The following AMBRA1 variants were observed in gnomAD, a reference collection of about 807,000 sequenced individuals.
AMBRA1 encodes the protein autophagy and beclin 1 regulator 1.
AMBRA1 carries 47 observed loss-of-function variants against 125.4 expected under a neutral mutation model. That is an observed-to-expected ratio of 0.37 (90% CI 0.30 to 0.48). The LOEUF (loss-of-function observed/expected upper bound fraction) is 0.48. Ranked by LOEUF, AMBRA1 falls within the 20% of genes least tolerant of loss-of-function variation. The pLI is 0.99. For synonymous variants in AMBRA1, 626 were observed against 655.5 expected, an observed-to-expected ratio of 0.95 and a Z score of 0.69; for missense variants, 1,331 against 1,693.4, an observed-to-expected ratio of 0.79 and a Z score of 3.76.
At chr11:46,544,350 A>G (rs1240630630) in intron 5 of AMBRA1, among the ~76,000 whole-genome samples, 1 of 152,170 alleles carries the variant, frequency 6.6e-6, no homozygotes, top group Non-Finnish European at 1.5e-5. Flanking sequence ...CCTAACCGTA[A>G]AGCATAAAAT....
At chr11:46,458,342 C>T (rs544724840) in intron 11 of AMBRA1, among the ~76,000 whole-genome samples, 3 of 152,274 alleles carry the variant, frequency 2.0e-5, no homozygotes, top group Non-Finnish European at 4.4e-5. Flanking sequence ...AACCCCACCT[C>T]CTCCCAGAAG....
chr11:46,446,151 G>A (rs941029800), intron 11 of AMBRA1, among the ~76,000 whole-genome samples: 1 of 152,170 alleles, frequency 6.6e-6, no homozygotes, highest in Non-Finnish European at 1.5e-5. Flanking sequence ...AATGGTGCCA[G>A]GGTGCTGAGG....
At chr11:46,403,696 A>G (rs1313674738) in intron 17 of AMBRA1, among the ~76,000 whole-genome samples, 1 of 152,218 alleles carries the variant, frequency 6.6e-6, no homozygotes, top group Admixed American at 6.5e-5. Flanking sequence ...CATGCAAAAA[A>G]GCTGACGCGT....
chr11:46,544,076 T>C (rs375020123), intron 5 of AMBRA1, 35 bp from the exon 6 acceptor site: 241 of 1,545,238 alleles, frequency 1.6e-4, no homozygotes, highest in Non-Finnish European at 1.9e-4. Flanking sequence ...AAGACACACA[T>C]AGAGAGATTA....
At chr11:46,413,160 C>T (rs1195827127) in intron 15 of AMBRA1, among the ~76,000 whole-genome samples, 2 of 152,214 alleles carry the variant, frequency 1.3e-5, no homozygotes, top group African/African-American at 4.8e-5. Flanking sequence ...GCCAAAAGGT[C>T]CCCTCGAATG....
chr11:46,407,616 T>C (rs947580369), intron 17 of AMBRA1, among the ~76,000 whole-genome samples: 9 of 152,248 alleles, frequency 5.9e-5, no homozygotes, highest in South Asian at 2.1e-4. Flanking sequence ...AAAGAGGGAC[T>C]TCACTTTGAA....
At chr11:46,541,700 A>G (rs1462700506) in intron 7 of AMBRA1, among the ~76,000 whole-genome samples, 2 of 152,240 alleles carry the variant, frequency 1.3e-5, no homozygotes, top group African/African-American at 2.4e-5. Context: ...CTCTCCTTTC[A>G]AGGCTAAAGC....
chr11:46,530,918 C>A (rs1362263777), intron 7 of AMBRA1, among the ~76,000 whole-genome samples: 2 of 152,240 alleles, frequency 1.3e-5, no homozygotes, highest in Non-Finnish European at 2.9e-5. Context: ...AATTCTCGCT[C>A]TGTAGCCCAG....
chr11:46,448,512 C>T (rs757957266), intron 11 of AMBRA1, among the ~76,000 whole-genome samples: 14 of 151,864 alleles, frequency 9.2e-5, no homozygotes, highest in South Asian at 4.2e-4. Flanking sequence ...TAAGAAAAGA[C>T]GAAAGATCTA....
intron 15 of AMBRA1, among the ~76,000 whole-genome samples, chr11:46,414,834 T>C (rs1262327672): frequency 6.6e-6 from 1 of 152,152 alleles, no homozygotes; most frequent in Admixed American, 6.5e-5. Flanking sequence ...GTCCTAAGAA[T>C]TCCTTCCCCT....
rs1952837276 is a variant in AMBRA1, at chr11:46,543,192, A to G, written c.825T>C (p.Pro275=). 10 of 1,276,798 alleles carry G rather than the reference A, an allele frequency of 7.8e-6. No homozygotes were observed. The highest frequency in any genetic ancestry group is 1.0e-5 in the Non-Finnish European group (10 of 957,220). 79.1% of individuals were successfully genotyped at this position (1,276,798 alleles called of 1,614,324 possible). Residue 275 remains proline (P), a synonymous_variant, in exon 7 of 18, where the codon CCT becomes CCC. Coordinates refer to ENST00000683756, the MANE Select transcript of AMBRA1 (RefSeq NM_001387011.1). ...SATPSPPPPP[P]QPSTERPRTS... is the part of the protein sequence containing the mutation. ...TCCTGGGGCGCTCCGTGGAGGGCTG[A>G]GGGGGAGGCGGTGGGGGTGAGGGGG...
At chr11:46,508,690 G>A (rs1217850967) in intron 8 of AMBRA1, among the ~76,000 whole-genome samples, 1 of 152,168 alleles carries the variant, frequency 6.6e-6, no homozygotes. Flanking sequence ...GCTCCTCAGG[G>A]TGCTCTTTAC....
At chr11:46,502,350 T>G (rs1296178415) in intron 9 of AMBRA1, among the ~76,000 whole-genome samples, 2 of 152,208 alleles carry the variant, frequency 1.3e-5, no homozygotes, top group East Asian at 3.8e-4. Flanking sequence ...GAGAGTAACT[T>G]TACAGTGTGT....
At chr11:46,519,631 C>A (rs1299126094) in intron 7 of AMBRA1, among the ~76,000 whole-genome samples, 1 of 152,208 alleles carries the variant, frequency 6.6e-6, no homozygotes, top group African/African-American at 2.4e-5. Context: ...AACTTTACAG[C>A]CTAGCTTTGA....
chr11:46,515,119 C>T (rs1009019548), intron 7 of AMBRA1, among the ~76,000 whole-genome samples: 11 of 152,150 alleles, frequency 7.2e-5, no homozygotes, highest in Non-Finnish European at 1.3e-4. Context: ...TGTTATCCTC[C>T]AAGTGGTCGT....
At chr11:46,557,524 C>T (rs1714971774) in intron 1 of AMBRA1, among the ~76,000 whole-genome samples, 1 of 152,132 alleles carries the variant, frequency 6.6e-6, no homozygotes, top group Middle Eastern at 3.4e-3. Context: ...AAAAATAAAA[C>T]CAGCCAGGCA....
At chr11:46,400,707 G>C (rs1298875700) in intron 17 of AMBRA1, among the ~76,000 whole-genome samples, 1 of 151,792 alleles carries the variant, frequency 6.6e-6, no homozygotes, top group East Asian at 1.9e-4. Flanking sequence ...GGCTGGTCTT[G>C]AACTCCTGGG....
intron 11 of AMBRA1, among the ~76,000 whole-genome samples, chr11:46,460,264 G>A (rs1350583115): frequency 1.3e-5 from 2 of 151,164 alleles, no homozygotes; most frequent in Non-Finnish European, 2.9e-5. Context: ...TTATAATACT[G>A]AATTTTAAAA....
At position 46,540,728 on chromosome 11, in the gene AMBRA1, C is replaced by T. The variant is rs192708825; in HGVS notation, c.2072+1217G>A. 1.5e-3 allele frequency among the ~76,000 whole-genome samples: 235 copies of T among 152,266 alleles called. 3 individuals are homozygous for T. Among genetic ancestry groups the T allele is most frequent in the Non-Finnish European group, 2.4e-3 (161 of 68,030 alleles). On this transcript the variant is annotated intron_variant, in intron 7 of 17. Coordinates refer to ENST00000683756, the MANE Select transcript of AMBRA1 (RefSeq NM_001387011.1). Reference sequence around the variant, plus strand: ...GCAAAGCCTTCTTGGATGATACTTCCCTCTCTCTGAGACTACATCCAATCT... The same window carrying T: ...GCAAAGCCTTCTTGGATGATACTTCTCTCTCTCTGAGACTACATCCAATCT...
Sources: gnomAD v4.1 joint callset for allele counts (sites outside exome capture counted in the v4.1 genomes callset) on GRCh38, gnomAD v4.1.1 for gene constraint, MANE v1.5 for transcripts, NCBI Gene and HGNC (gene_info 2026-07-23, HGNC 2026-07-21) for gene names.